The following COBL variants were observed in gnomAD, a reference collection of about 807,000 sequenced individuals.
COBL encodes the protein protein cordon-bleu.
Under a neutral mutation model 98.8 loss-of-function variants are expected in COBL, and 51 were observed. That is an observed-to-expected ratio of 0.52 (90% CI 0.41 to 0.65). The LOEUF is 0.65. Ranked by LOEUF, COBL falls within the 30% of genes least tolerant of loss-of-function variation. COBL has a pLI of 0.00. For missense variants in COBL, 1,617 were observed against 1,617.5 expected, an observed-to-expected ratio of 1.00 and a Z score of 0.01; for synonymous variants, 634 against 651.7, an observed-to-expected ratio of 0.97 and a Z score of 0.41.
chr7:51,307,188 T>C (rs1410375954), intron 1 of COBL, among the ~76,000 whole-genome samples: 1 of 151,382 alleles, frequency 6.6e-6, no homozygotes, highest in African/African-American at 2.4e-5. Context: ...CTACTAAAAA[T>C]ACAAAAAAAA....
intron 1 of COBL, among the ~76,000 whole-genome samples, chr7:51,298,227 C>A (rs988790203): frequency 4.6e-5 from 7 of 152,224 alleles, no homozygotes; most frequent in Non-Finnish European, 8.8e-5. Flanking sequence ...CACTGTCCAG[C>A]CACTGCATAT....
At chr7:51,048,368 G>A (rs1022048647) in intron 7 of COBL, among the ~76,000 whole-genome samples, 1 of 151,918 alleles carries the variant, frequency 6.6e-6, no homozygotes, top group Non-Finnish European at 1.5e-5. Flanking sequence ...TTTTTAAATT[G>A]TATTACTGTT....
At chr7:51,067,520 ATGCATGTATGCACATGTATGTG>A (rs1429758310) in intron 7 of COBL, among the ~76,000 whole-genome samples, 1 of 152,214 alleles carries the variant, frequency 6.6e-6, no homozygotes, top group East Asian at 1.9e-4. Flanking sequence ...ATGGGTGCAC[ATGCATGTATGCACATGTATGTG>A]TGCATGTATA....
Position 51,086,351 on chromosome 7 carries a change from T to C in COBL, c.958-1047A>G, listed in dbSNP as rs1055180196. Among the ~76,000 whole-genome samples the C allele has an allele frequency of 4.6e-5, 5 of 109,686 alleles. No homozygotes were observed. The East Asian group carries it at 7.2e-4, about 16-fold the overall frequency. The allele number at this position is 109,686 out of a possible 152,430, so 72.0% of individuals were successfully genotyped here. ...CAGCCTGGGTGATGTAGCAAGACTG[T>C]GTCTCAGAAAAAAAAAAAAAAAAAA... On this transcript the variant is annotated intron_variant, in intron 6 of 12. Transcript: ENST00000265136.
chr7:51,091,883 C>G (rs1794841351), intron 6 of COBL, among the ~76,000 whole-genome samples: 2 of 151,666 alleles, frequency 1.3e-5, no homozygotes, highest in Admixed American at 1.3e-4. Context: ...ATTCAAAGTG[C>G]TAAAAACGGA....
At chr7:51,078,883 T>C (rs1294495478) in intron 7 of COBL, among the ~76,000 whole-genome samples, 1 of 152,260 alleles carries the variant, frequency 6.6e-6, no homozygotes, top group Non-Finnish European at 1.5e-5. Context: ...CTCCTTGCCA[T>C]GTGGGTCTCC....
intron 7 of COBL, among the ~76,000 whole-genome samples, chr7:51,078,446 G>A (rs1793302560): frequency 6.6e-6 from 1 of 152,030 alleles, no homozygotes; most frequent in African/African-American, 2.4e-5. Flanking sequence ...TGACAACTTG[G>A]GCTTCAGATT....
At chr7:51,259,235 C>T (rs780940070) in intron 1 of COBL, among the ~76,000 whole-genome samples, 5 of 146,498 alleles carry the variant, frequency 3.4e-5, no homozygotes, top group Admixed American at 2.1e-4. Context: ...TGCAGTGAGC[C>T]GAGATCACAC....
At chr7:51,295,532 G>A (rs890455702) in intron 1 of COBL, among the ~76,000 whole-genome samples, 2 of 152,194 alleles carry the variant, frequency 1.3e-5, no homozygotes, top group African/African-American at 4.8e-5. Context: ...ATACAGGCCT[G>A]TCCTTTCAGA....
chr7:51,170,442 T>G (rs1017659444), intron 5 of COBL, among the ~76,000 whole-genome samples: 1 of 149,864 alleles, frequency 6.7e-6, no homozygotes, highest in African/African-American at 2.4e-5. Context: ...TTTTCCTTAT[T>G]CTTGCTTATT....
intron 5 of COBL, among the ~76,000 whole-genome samples, chr7:51,152,541 G>GA (rs911757833): frequency 2.6e-5 from 4 of 152,170 alleles, no homozygotes; most frequent in Non-Finnish European, 4.4e-5. Flanking sequence ...TAAAGCAAGA[G>GA]AAAAAAATGG....
At chr7:51,186,333 A>C (rs1420767070) in intron 4 of COBL, among the ~76,000 whole-genome samples, 1 of 152,224 alleles carries the variant, frequency 6.6e-6, no homozygotes, top group Non-Finnish European at 1.5e-5. Context: ...AATGCATAGC[A>C]CTTTCACACC....
At chr7:51,228,678 G>C (rs1364167880) in intron 1 of COBL, among the ~76,000 whole-genome samples, 1 of 152,082 alleles carries the variant, frequency 6.6e-6, no homozygotes, top group Non-Finnish European at 1.5e-5. Context: ...GTAGATATGG[G>C]AACACTGATA....
At chr7:51,090,611 A>G (rs1019482859) in intron 6 of COBL, among the ~76,000 whole-genome samples, 1 of 152,262 alleles carries the variant, frequency 6.6e-6, no homozygotes, top group African/African-American at 2.4e-5. Flanking sequence ...AGGAGCTCAG[A>G]GGCTGGTTGC....
At chr7:51,249,439 C>A (rs1439258279) in intron 1 of COBL, among the ~76,000 whole-genome samples, 4 of 152,176 alleles carry the variant, frequency 2.6e-5, no homozygotes, top group Non-Finnish European at 2.9e-5. Context: ...GAGATGAGGG[C>A]AGAGCATGGA....
intron 1 of COBL, among the ~76,000 whole-genome samples, chr7:51,309,638 C>G (rs1162575635): frequency 1.3e-5 from 2 of 152,158 alleles, no homozygotes; most frequent in Non-Finnish European, 2.9e-5. Context: ...AAAGAGGACT[C>G]TAGAATATTC....
intron 6 of COBL, among the ~76,000 whole-genome samples, chr7:51,107,913 G>T (rs1328172234): frequency 6.6e-6 from 1 of 152,152 alleles, no homozygotes; most frequent in African/African-American, 2.4e-5. Flanking sequence ...CAAGAGAATG[G>T]GTGTCCTGCT....
chr7:51,208,440 G>GC (rs1381424828), intron 2 of COBL, among the ~76,000 whole-genome samples: 1 of 147,610 alleles, frequency 6.8e-6, no homozygotes, highest in East Asian at 2.1e-4. Flanking sequence ...GGGAGGTGGG[G>GC]GGGGTCAGCC....
At chr7:51,050,911 G>C (rs144808109) in intron 7 of COBL, among the ~76,000 whole-genome samples, 2 of 152,166 alleles carry the variant, frequency 1.3e-5, no homozygotes, top group African/African-American at 4.8e-5. Context: ...CCTTTATTTT[G>C]CACATATATC....
Sources: gnomAD v4.1 joint callset for allele counts (sites outside exome capture counted in the v4.1 genomes callset) on GRCh38, gnomAD v4.1.1 for gene constraint, MANE v1.5 for transcripts, NCBI Gene and HGNC (gene_info 2026-07-23, HGNC 2026-07-21) for gene names.